Variants in PITPNC1 observed in about 807,000 individuals in gnomAD.
PITPNC1 encodes the protein phosphatidylinositol transfer protein cytoplasmic 1.
Under a neutral mutation model 44.7 loss-of-function variants are expected in PITPNC1, and 18 were observed. The observed-to-expected ratio is 0.40, with a 90% CI of 0.28 to 0.60. The LOEUF is 0.60. Among genes scored for constraint, PITPNC1 ranks in the 20% least tolerant of loss-of-function variants. PITPNC1 has a pLI of 0.39. For missense variants in PITPNC1, 290 were observed against 418.4 expected (o/e 0.69, Z 2.68); for synonymous variants, 141 against 149.6 (o/e 0.94, Z 0.42).
intron 8 of PITPNC1, among the ~76,000 whole-genome samples, chr17:67,677,584 T>C (rs1380012390): frequency 6.6e-6 from 1 of 151,430 alleles, no homozygotes; most frequent in African/African-American, 2.4e-5. Flanking sequence ...TTTTTTTTTT[T>C]TGAGACAGAG....
At chr17:67,539,358 C>T (rs1260198147) in intron 2 of PITPNC1, among the ~76,000 whole-genome samples, 1 of 152,068 alleles carries the variant, frequency 6.6e-6, no homozygotes, top group Non-Finnish European at 1.5e-5. Context: ...GAGACATTTA[C>T]CAGGAGATTA....
At position 67,497,529 on chromosome 17, in the gene PITPNC1, C is replaced by CTTTTTTTTT. The variant is rs34364657; in HGVS notation, c.49-35261_49-35253dup. 1.5e-4 allele frequency among the ~76,000 whole-genome samples: 13 copies of CTTTTTTTTT among 87,512 alleles called. 1 individual carries two copies. The highest frequency in any genetic ancestry group is 3.1e-4 in the Admixed American group (2 of 6,468). 57.4% of individuals were successfully genotyped at this position (87,512 alleles called of 152,430 possible). On this transcript the variant is annotated intron_variant, in intron 1 of 8. Coordinates refer to ENST00000581322, the MANE Select transcript of PITPNC1 (RefSeq NM_012417.4). ...TGTGTCTCCATAAACTTGTTCGTGT[C>CTTTTTTTTT]TTTTTTTTTTTTTTTTTTTTGAGAT...
chr17:67,541,026 G>A (rs2040598618), intron 2 of PITPNC1, among the ~76,000 whole-genome samples: 1 of 152,110 alleles, frequency 6.6e-6, no homozygotes, highest in South Asian at 2.1e-4. Flanking sequence ...AGACCAGCCT[G>A]GCCAACATGG....
intron 1 of PITPNC1, among the ~76,000 whole-genome samples, chr17:67,425,191 GCGCACGCACACGCACACACACACA>G (rs1567984596): frequency 1.6e-4 from 6 of 38,636 alleles, no homozygotes; most frequent in Admixed American, 7.1e-4. Context: ...TGTTGTGCGC[GCGCACGCACACGCACACACACACA>G]CACACACACA....
chr17:67,404,884 G>A (rs1238096290), intron 1 of PITPNC1, among the ~76,000 whole-genome samples: 1 of 152,064 alleles, frequency 6.6e-6, no homozygotes, highest in Non-Finnish European at 1.5e-5. Context: ...CTCCCTATAG[G>A]AGCTTTTATA....
At chr17:67,691,686 A>G (rs2042929276) in intron 8 of PITPNC1, among the ~76,000 whole-genome samples, 1 of 152,170 alleles carries the variant, frequency 6.6e-6, no homozygotes, top group South Asian at 2.1e-4. Context: ...CCCTCAGAAT[A>G]AAAAAGTATA....
chr17:67,437,836 G>A (rs2038958276), intron 1 of PITPNC1, among the ~76,000 whole-genome samples: 2 of 152,202 alleles, frequency 1.3e-5, no homozygotes, highest in South Asian at 2.1e-4. Context: ...GGGAGGCCGA[G>A]GCGGGCGGAT....
chr17:67,561,359 G>A (rs2144189663), intron 4 of PITPNC1, among the ~76,000 whole-genome samples: 1 of 152,152 alleles, frequency 6.6e-6, no homozygotes, highest in East Asian at 1.9e-4. Flanking sequence ...AGGAGGCTAA[G>A]GCAGGAGAAT....
intron 8 of PITPNC1, among the ~76,000 whole-genome samples, chr17:67,681,027 CT>C (rs1264039206): frequency 6.6e-6 from 1 of 152,116 alleles, no homozygotes; most frequent in East Asian, 1.9e-4. Flanking sequence ...GAAGACTCCC[CT>C]TTTTAAAATG....
chr17:67,479,999 G>A (rs1486420370), intron 1 of PITPNC1, among the ~76,000 whole-genome samples: 3 of 152,204 alleles, frequency 2.0e-5, no homozygotes, highest in African/African-American at 7.2e-5. Context: ...AAAGTAACAG[G>A]TTTGTTGAAC....
At chr17:67,463,454 C>T (rs529281124) in intron 1 of PITPNC1, among the ~76,000 whole-genome samples, 3 of 152,234 alleles carry the variant, frequency 2.0e-5, no homozygotes, top group Admixed American at 6.5e-5. Flanking sequence ...ATGTCATCTC[C>T]GTGTTGTAAT....
intron 1 of PITPNC1, among the ~76,000 whole-genome samples, chr17:67,437,645 C>T (rs557640921): frequency 1.3e-5 from 2 of 152,276 alleles, no homozygotes; most frequent in African/African-American, 4.8e-5. Flanking sequence ...AGAGAGGCCT[C>T]ATCAGGAAGA....
At chr17:67,389,029 T>A (rs1410997965) in intron 1 of PITPNC1, among the ~76,000 whole-genome samples, 1 of 152,258 alleles carries the variant, frequency 6.6e-6, no homozygotes, top group African/African-American at 2.4e-5. Flanking sequence ...GATTCTCTGC[T>A]CAGGGTCTCA....
intron 6 of PITPNC1, among the ~76,000 whole-genome samples, chr17:67,637,455 C>T (rs2042046711): frequency 6.6e-6 from 1 of 152,056 alleles, no homozygotes; most frequent in African/African-American, 2.4e-5. Flanking sequence ...TGAACCCAGA[C>T]CAGGGTTATC....
At chr17:67,680,026 G>A (rs1052422032) in intron 8 of PITPNC1, among the ~76,000 whole-genome samples, 4 of 152,122 alleles carry the variant, frequency 2.6e-5, no homozygotes, top group African/African-American at 2.4e-5. Context: ...TGCTGTAGAC[G>A]ACACTACCTC....
At chr17:67,665,701 C>A (rs1239132871) in intron 6 of PITPNC1, among the ~76,000 whole-genome samples, 2 of 152,156 alleles carry the variant, frequency 1.3e-5, no homozygotes, top group Non-Finnish European at 2.9e-5. Flanking sequence ...AGGGTTGAAG[C>A]ATTCACTCAA....
chr17:67,394,545 T>C (rs148409816), intron 1 of PITPNC1, among the ~76,000 whole-genome samples: 2 of 152,228 alleles, frequency 1.3e-5, no homozygotes, highest in African/African-American at 4.8e-5. Context: ...CCCAGGTCAT[T>C]GGCTATAGGG....
At chr17:67,628,111 C>G (rs558532979) in intron 5 of PITPNC1, among the ~76,000 whole-genome samples, 1 of 151,964 alleles carries the variant, frequency 6.6e-6, no homozygotes, top group Non-Finnish European at 1.5e-5. Context: ...CCATGTGGAC[C>G]AAGCTGGTCT....
intron 5 of PITPNC1, among the ~76,000 whole-genome samples, chr17:67,619,325 A>C (rs1186340484): frequency 6.6e-6 from 1 of 152,188 alleles, no homozygotes; most frequent in African/African-American, 2.4e-5. Context: ...TAAGTAGTTT[A>C]ATTTAATAGA....
Sources: allele counts gnomAD v4.1 joint callset (sites outside exome capture counted in the v4.1 genomes callset), GRCh38; gene constraint gnomAD v4.1.1; transcripts MANE v1.5; gene names NCBI Gene and HGNC (gene_info 2026-07-23, HGNC 2026-07-21).